Variants in CAST observed in about 807,000 individuals in gnomAD.
CAST encodes the protein MIR583 host.
CAST carries 76 observed loss-of-function variants against 119.6 expected under a neutral mutation model. The ratio of observed to expected loss-of-function variants is 0.64; its 90% CI spans 0.53 to 0.77. The LOEUF is 0.77. Among genes scored for constraint, CAST ranks in the 30% least tolerant of loss-of-function variants. The pLI is 0.00. For synonymous variants in CAST, 319 were observed against 331.6 expected, an observed-to-expected ratio of 0.96 and a Z score of 0.41; for missense variants, 953 against 946.5, an observed-to-expected ratio of 1.01 and a Z score of -0.09.
At chr5:96,223,711 C>A in the CAST span, among the ~76,000 whole-genome samples, 4 of 152,284 alleles carry the variant, frequency 2.6e-5, no homozygotes, top group East Asian at 7.7e-4. Context: ...TACATGGCTG[C>A]AGGTGTTCCT....
chr5:96,654,314 C>T (rs1434279412), intron 1 of CAST, among the ~76,000 whole-genome samples: 1 of 152,070 alleles, frequency 6.6e-6, no homozygotes, highest in Non-Finnish European at 1.5e-5. Context: ...TGTGAGCCAC[C>T]GCACCCGGCC....
intron 9 of CAST, among the ~76,000 whole-genome samples, chr5:96,734,653 A>G (rs949164656): frequency 2.0e-5 from 3 of 152,132 alleles, no homozygotes; most frequent in Non-Finnish European, 2.9e-5. Flanking sequence ...TAAGGTGCTC[A>G]TTGTCAGGTT....
chr5:96,427,384 A>G, the CAST span, among the ~76,000 whole-genome samples: 8 of 152,200 alleles, frequency 5.3e-5, no homozygotes, highest in East Asian at 1.9e-4. Flanking sequence ...TCTATTATGC[A>G]TTATAGGTAT....
At chr5:96,768,969 T>C (rs1418808494) in intron 29 of CAST, 1 of 152,238 alleles carries the variant, frequency 6.6e-6, no homozygotes, top group African/African-American at 2.4e-5. Context: ...TGCTCCTCAT[T>C]AGCAAAATGC....
chr5:96,359,459 A>C, the CAST span, among the ~76,000 whole-genome samples: 5 of 152,304 alleles, frequency 3.3e-5, no homozygotes, highest in Non-Finnish European at 5.9e-5. Flanking sequence ...ATGTTTTTGC[A>C]GTGGCTGGTA....
chr5:96,563,602 T>C (rs901995593), intron 1 of CAST, among the ~76,000 whole-genome samples: 2 of 152,206 alleles, frequency 1.3e-5, no homozygotes, highest in African/African-American at 4.8e-5. Flanking sequence ...TCACTGTGTC[T>C]ATCTTCAGAT....
chr5:96,694,288 C>A (rs2150300950), intron 2 of CAST, among the ~76,000 whole-genome samples: 1 of 152,242 alleles, frequency 6.6e-6, no homozygotes, highest in South Asian at 2.1e-4. Context: ...TCAATATTTA[C>A]AGTACATTAT....
At chr5:96,535,635 G>A (rs1290018767) in intron 1 of CAST, among the ~76,000 whole-genome samples, 3 of 145,940 alleles carry the variant, frequency 2.1e-5, no homozygotes, top group African/African-American at 5.1e-5. Context: ...GTGCAGTGGC[G>A]CGATCTCGGC....
At chr5:96,476,178 T>C in the CAST span, among the ~76,000 whole-genome samples, 1 of 152,110 alleles carries the variant, frequency 6.6e-6, no homozygotes, top group East Asian at 1.9e-4. Context: ...TAAAATCAGT[T>C]CAGCCATCGA....
chr5:96,527,942 C>T (rs1426906524), upstream of CAST, among the ~76,000 whole-genome samples: 1 of 152,194 alleles, frequency 6.6e-6, no homozygotes, highest in Non-Finnish European at 1.5e-5. Context: ...ACAAGAGTGG[C>T]GTCATTTCCA....
chr5:96,347,508 G>A, the CAST span, among the ~76,000 whole-genome samples: 1 of 152,236 alleles, frequency 6.6e-6, no homozygotes, highest in African/African-American at 2.4e-5. Flanking sequence ...AGCATACCAA[G>A]CTGGTCTATC....
chr5:96,039,072 C>G, the CAST span, among the ~76,000 whole-genome samples: 1 of 152,080 alleles, frequency 6.6e-6, no homozygotes, highest in African/African-American at 2.4e-5. Flanking sequence ...TTCTGAGTGG[C>G]ATGAGATGGT....
the CAST span, among the ~76,000 whole-genome samples, chr5:96,320,387 G>A: frequency 2.0e-5 from 3 of 151,840 alleles, no homozygotes; most frequent in Non-Finnish European, 4.4e-5. Context: ...ATAGGCGCCT[G>A]CCACCACACC....
At chr5:96,536,197 A>C (rs1246201460) in intron 1 of CAST, among the ~76,000 whole-genome samples, 1 of 151,858 alleles carries the variant, frequency 6.6e-6, no homozygotes, top group Non-Finnish European at 1.5e-5. Context: ...ATCTCTGCTA[A>C]AAATACAAAA....
chr5:96,679,633 A>G (rs1205623748), intron 2 of CAST: 1 of 152,226 alleles, frequency 6.6e-6, no homozygotes, highest in Non-Finnish European at 1.5e-5. Flanking sequence ...ATTTATTTTT[A>G]TGAGTAAAGA....
intron 17 of CAST, 123 bp from the exon 18 acceptor site, chr5:96,747,222 A>T: frequency 1.5e-6 from 1 of 657,772 alleles, no homozygotes; most frequent in Non-Finnish European, 2.8e-6. Context: ...ACACAAACTC[A>T]TGTAAATCTA....
the CAST span, among the ~76,000 whole-genome samples, chr5:96,425,372 AACC>A: frequency 1.3e-5 from 2 of 152,222 alleles, no homozygotes; most frequent in Non-Finnish European, 2.9e-5. Context: ...TCCTTCTTTT[AACC>A]TCTTTCAGAG....
At chr5:96,157,781 A>G in the CAST span, among the ~76,000 whole-genome samples, 4 of 152,346 alleles carry the variant, frequency 2.6e-5, no homozygotes, top group East Asian at 7.7e-4. Context: ...TGTGGTGTTT[A>G]AAGAACTAGA....
the CAST span, among the ~76,000 whole-genome samples, chr5:96,318,087 C>A: frequency 6.6e-6 from 1 of 152,170 alleles, no homozygotes; most frequent in Admixed American, 6.5e-5. Context: ...ATCTAGGCAT[C>A]TGAACTTAAA....
Sources: gnomAD v4.1 joint callset for allele counts (sites outside exome capture counted in the v4.1 genomes callset) on GRCh38, gnomAD v4.1.1 for gene constraint, MANE v1.5 for transcripts, NCBI Gene and HGNC (gene_info 2026-07-23, HGNC 2026-07-21) for gene names.